Variants in GRIN2B observed in about 807,000 individuals in gnomAD.
GRIN2B encodes glutamate ionotropic receptor NMDA type subunit 2B.
In GRIN2B, 5 loss-of-function variants were observed where a neutral mutation model predicts 114.5. The ratio of observed to expected loss-of-function variants is 0.04; its 90% CI spans 0.02 to 0.09. GRIN2B has a LOEUF of 0.09. Ranked by LOEUF, GRIN2B falls within the 10% of genes least tolerant of loss-of-function variation. The pLI, the probability that GRIN2B is intolerant of heterozygous loss-of-function variation, is 1.00. For missense variants in GRIN2B, 1,108 were observed against 1,943.5 expected, an observed-to-expected ratio of 0.57 and a Z score of 8.08; for synonymous variants, 787 against 745.1, an observed-to-expected ratio of 1.06 and a Z score of -0.92.
intron 10 of GRIN2B, among the ~76,000 whole-genome samples, chr12:13,596,048 C>A (rs1565468248): frequency 6.6e-6 from 1 of 151,910 alleles, no homozygotes; most frequent in East Asian, 1.9e-4. Flanking sequence ...AAAAGGCTCA[C>A]TTCCCAGAGG....
At chr12:13,812,599 C>T (rs115470666) in intron 3 of GRIN2B, among the ~76,000 whole-genome samples, 1 of 152,014 alleles carries the variant, frequency 6.6e-6, no homozygotes, top group African/African-American at 2.4e-5. Context: ...CAAATGAACA[C>T]TGCAAATGAT....
intron 2 of GRIN2B, among the ~76,000 whole-genome samples, chr12:13,888,496 G>A (rs1018705120): frequency 6.6e-6 from 1 of 151,644 alleles, no homozygotes; most frequent in African/African-American, 2.4e-5. Context: ...CACTTTGGGA[G>A]ACTGAGGTGC....
At chr12:13,610,359 G>A (rs1422521467) in intron 9 of GRIN2B, among the ~76,000 whole-genome samples, 1 of 152,158 alleles carries the variant, frequency 6.6e-6, no homozygotes, top group Non-Finnish European at 1.5e-5. Context: ...TGCAAATCTG[G>A]ATTTTCGGCT....
chr12:13,924,937 C>T (rs1311440977), intron 2 of GRIN2B, among the ~76,000 whole-genome samples: 1 of 152,088 alleles, frequency 6.6e-6, no homozygotes, highest in Non-Finnish European at 1.5e-5. Flanking sequence ...CAGTCACAGA[C>T]ATGGACAAAA....
chr12:13,868,779 A>T (rs933056773), intron 2 of GRIN2B, among the ~76,000 whole-genome samples: 1 of 152,256 alleles, frequency 6.6e-6, no homozygotes, highest in Non-Finnish European at 1.5e-5. Context: ...AAAGAATAGC[A>T]TCTGGTTTTA....
intron 3 of GRIN2B, among the ~76,000 whole-genome samples, chr12:13,755,859 T>C (rs1863566487): frequency 6.6e-6 from 1 of 152,118 alleles, no homozygotes. Flanking sequence ...TTAGTGCCCT[T>C]ATTAAAGAAG....
At chr12:13,692,760 C>CTTTCTTTCTT (rs1427827056) in intron 4 of GRIN2B, among the ~76,000 whole-genome samples, 3 of 52,130 alleles carry the variant, frequency 5.8e-5, no homozygotes, top group African/African-American at 9.5e-5. Context: ...TCTTTCTTTT[C>CTTTCTTTCTT]TTTTTTTTTT....
Position 13,557,688 on chromosome 12 carries a change from G to A in GRIN2B, c.*5095C>T, listed in dbSNP as rs971877714. The A allele has an allele frequency of 6.6e-6, 1 of 152,178 alleles. No individual in the cohort carries two copies. Among genetic ancestry groups the A allele is most frequent in the Admixed American group, 6.5e-5 (1 of 15,278 alleles). 9.4% of individuals were successfully genotyped at this position (152,178 alleles called of 1,614,324 possible). ...TCAAATGAGGCTTAAATAAAAGCAG[G>A]CGGAGGCCAAAATATGGTTTAAATG... On this transcript the variant is annotated 3_prime_UTR_variant, in exon 14 of 14. Transcript: ENST00000609686.
intron 5 of GRIN2B, among the ~76,000 whole-genome samples, chr12:13,642,257 A>T (rs902561725): frequency 4.6e-5 from 7 of 152,094 alleles, no homozygotes; most frequent in South Asian, 2.1e-4. Context: ...AATGTAACTT[A>T]AAAAAACCCC....
chr12:13,959,552 T>C (rs1041889832), intron 2 of GRIN2B, among the ~76,000 whole-genome samples: 12 of 151,790 alleles, frequency 7.9e-5, no homozygotes, highest in Non-Finnish European at 1.3e-4. Context: ...GCAGTAGCCA[T>C]GGAAATGGAA....
chr12:13,929,956 C>T (rs991934681), intron 2 of GRIN2B, among the ~76,000 whole-genome samples: 9 of 152,116 alleles, frequency 5.9e-5, no homozygotes, highest in Non-Finnish European at 1.3e-4. Flanking sequence ...GAGGCTGAGG[C>T]GGGCGGATCA....
At chr12:13,780,258 A>T (rs1164141956) in intron 3 of GRIN2B, among the ~76,000 whole-genome samples, 2 of 152,086 alleles carry the variant, frequency 1.3e-5, no homozygotes, top group Non-Finnish European at 2.9e-5. Flanking sequence ...TACCTATTGT[A>T]TGCATCCTTA....
In GRIN2B at chr12:13,557,105, G is replaced by A. The variant is rs2136394600; in HGVS notation, c.*5678C>T. 6.6e-6 allele frequency: 1 copy of A among 152,290 alleles called. No homozygotes were observed. The allele number at this position is 152,290 out of a possible 1,614,324, so 9.4% of individuals were successfully genotyped here. The stretch of plus-strand genomic sequence containing the variant: ...AAGTCATAGAGCTCACAGGGCCACT[G>A]TGTGACTGAATCAATGTGGTTGGAA... On this transcript the variant is annotated 3_prime_UTR_variant, in exon 14 of 14. Transcript: ENST00000609686.
intron 3 of GRIN2B, among the ~76,000 whole-genome samples, chr12:13,768,178 T>C (rs976547098): frequency 6.6e-6 from 1 of 152,222 alleles, no homozygotes; most frequent in Non-Finnish European, 1.5e-5. Context: ...CCAATTTTCC[T>C]TTTAGACTAC....
chr12:13,687,955 C>T (rs1258597679), intron 4 of GRIN2B, among the ~76,000 whole-genome samples: 1 of 152,166 alleles, frequency 6.6e-6, no homozygotes, highest in African/African-American at 2.4e-5. Flanking sequence ...TCTGGCTGCT[C>T]AATTTTTTAA....
chr12:13,551,061 A>G lies in GRIN2B; in HGVS notation c.*11722T>C, dbSNP rs55865680. On this transcript the variant is annotated 3_prime_UTR_variant, in exon 14 of 14. Coordinates refer to ENST00000609686, the MANE Select transcript of GRIN2B (RefSeq NM_000834.5). ...CTCAGTAAGAGTTCCACCTCCACCT[A>G]GATGCTTCACTATCCTCCTTGCTTC... The G allele has an allele frequency of 0.9, 137,266 of 151,912 alleles. 63,675 individuals carry two copies. Among genetic ancestry groups the G allele is most frequent in the East Asian group, 1 (5,146 of 5,146 alleles). The allele number at this position is 151,912 out of a possible 1,614,324, so 9.4% of individuals were successfully genotyped here.
At chr12:13,862,615 C>T (rs779733586) in intron 3 of GRIN2B, among the ~76,000 whole-genome samples, 9 of 151,886 alleles carry the variant, frequency 5.9e-5, no homozygotes, top group Non-Finnish European at 1.0e-4. Flanking sequence ...TGTCCCCATT[C>T]TATGTTTGTA....
At chr12:13,565,599 C>A (rs1948628337) in intron 13 of GRIN2B, among the ~76,000 whole-genome samples, 1 of 152,190 alleles carries the variant, frequency 6.6e-6, no homozygotes, top group Admixed American at 6.5e-5. Flanking sequence ...CTCCTTCTCA[C>A]ATCTTGTTCC....
chr12:13,908,957 TAA>T (rs1866587516), intron 2 of GRIN2B, among the ~76,000 whole-genome samples: 1 of 152,174 alleles, frequency 6.6e-6, no homozygotes, highest in Non-Finnish European at 1.5e-5. Context: ...AAATGTTTGG[TAA>T]AGAGTGGAGT....
Sources: gnomAD v4.1 joint callset for allele counts (sites outside exome capture counted in the v4.1 genomes callset) on GRCh38, gnomAD v4.1.1 for gene constraint, MANE v1.5 for transcripts, NCBI Gene and HGNC (gene_info 2026-07-23, HGNC 2026-07-21) for gene names.